The following SEC24D variants were observed in gnomAD, a reference collection of about 807,000 sequenced individuals.
SEC24D encodes the protein protein transport protein Sec24D.
In SEC24D, 69 loss-of-function variants were observed where a neutral mutation model predicts 116.9. The observed-to-expected ratio is 0.59, with a 90% CI of 0.49 to 0.72. The LOEUF is 0.72. Among genes scored for constraint, SEC24D ranks in the 30% least tolerant of loss-of-function variants. The pLI is 0.00. For synonymous variants in SEC24D, 405 were observed against 442.8 expected, an observed-to-expected ratio of 0.91 and a Z score of 1.07; for missense variants, 1,131 against 1,264.1, an observed-to-expected ratio of 0.89 and a Z score of 1.60.
chr4:118,779,037 G>A (rs921921587), intron 8 of SEC24D, among the ~76,000 whole-genome samples: 3 of 152,182 alleles, frequency 2.0e-5, no homozygotes, highest in African/African-American at 7.2e-5. Flanking sequence ...ATACAATCAT[G>A]TCATCTGCAA....
At chr4:118,739,122 T>C in intron 18 of SEC24D, 27 bp downstream of exon 18, 2 of 1,611,582 alleles carry the variant, frequency 1.2e-6, no homozygotes, top group South Asian at 1.1e-5. Flanking sequence ...CAAGGTTTAC[T>C]GAACCTCAGG....
At chr4:118,730,616 CACA>C in intron 21 of SEC24D, 1 of 152,242 alleles carries the variant, frequency 6.6e-6, no homozygotes, top group Non-Finnish European at 1.5e-5. Context: ...GTGATGCTCA[CACA>C]ACAATGGTCT....
At chr4:118,727,022 G>A (rs1725450403) in intron 22 of SEC24D, among the ~76,000 whole-genome samples, 1 of 152,180 alleles carries the variant, frequency 6.6e-6, no homozygotes, top group Admixed American at 6.5e-5. Context: ...TAAGTGCACT[G>A]GGACTAAGCA....
At chr4:118,777,530 T>C (rs1158716162) in intron 8 of SEC24D, among the ~76,000 whole-genome samples, 1 of 152,222 alleles carries the variant, frequency 6.6e-6, no homozygotes, top group Non-Finnish European at 1.5e-5. Context: ...TTTGGGTTGG[T>C]TCCAAGTCTT....
At chr4:118,775,314 A>AT (rs1728080656) in intron 8 of SEC24D, among the ~76,000 whole-genome samples, 1 of 149,274 alleles carries the variant, frequency 6.7e-6, no homozygotes, top group African/African-American at 2.5e-5. Flanking sequence ...TACGCTCAGG[A>AT]TAACTTGTGA....
chr4:118,744,477 G>C (rs113659206), intron 14 of SEC24D, among the ~76,000 whole-genome samples: 2 of 152,206 alleles, frequency 1.3e-5, no homozygotes. Context: ...GTGTGTTGCC[G>C]TGTAACCACT....
chr4:118,833,218 G>T, intron 2 of SEC24D: 1 of 160,916 alleles, frequency 6.2e-6, no homozygotes, highest in Non-Finnish European at 1.3e-5. Flanking sequence ...ATTTATCTAG[G>T]GCCAATCCTA....
intron 8 of SEC24D, among the ~76,000 whole-genome samples, chr4:118,791,949 G>A (rs1226386127): frequency 2.0e-5 from 3 of 151,770 alleles, no homozygotes; most frequent in Non-Finnish European, 4.4e-5. Context: ...CCGCCACCCC[G>A]TCTAGGAAGT....
At chr4:118,799,987 A>G (rs567964654) in intron 7 of SEC24D, among the ~76,000 whole-genome samples, 18 of 152,156 alleles carry the variant, frequency 1.2e-4, no homozygotes, top group South Asian at 6.2e-4. Context: ...AAAAATACTG[A>G]TGATTTAAGA....
At chr4:118,729,517 C>T (rs1725579370) in intron 21 of SEC24D, 1 of 152,138 alleles carries the variant, frequency 6.6e-6, no homozygotes, top group Non-Finnish European at 1.5e-5. Context: ...TGGAAAATTC[C>T]ATCCAAGTAC....
intron 11 of SEC24D, 60 bp downstream of exon 11, chr4:118,757,661 G>C (rs1000868053): frequency 6.6e-7 from 1 of 1,504,444 alleles, no homozygotes; most frequent in Non-Finnish European, 9.0e-7. Context: ...CTTATCTTCT[G>C]GCCAATAAAT....
intron 2 of SEC24D, among the ~76,000 whole-genome samples, chr4:118,829,182 G>A (rs1730723985): frequency 6.6e-6 from 1 of 152,170 alleles, no homozygotes; most frequent in Non-Finnish European, 1.5e-5. Context: ...TTTATTAAGT[G>A]TCATATTACC....
Position 118,728,668 on chromosome 4 carries a change from C to A in SEC24D, c.2869-18G>T. 2 of 1,488,598 alleles carry A rather than the reference C, an allele frequency of 1.3e-6. No individual in the cohort carries two copies. Among genetic ancestry groups the A allele is most frequent in the South Asian group, 1.2e-5 (1 of 85,952 alleles). The allele number at this position is 1,488,598 out of a possible 1,614,324, so 92.2% of individuals were successfully genotyped here. A position where few individuals can be genotyped will look rare whatever the true frequency, so the allele number is the denominator to read the frequency against. ...AGCAATGTCTTAGATTTAAGAAAAT[C>A]AAAGTTTTAGTACAGTTTATAACAT... is the stretch of plus-strand genomic sequence containing the variant. On this transcript the variant is annotated intron_variant, in intron 21 of 22. Transcript: ENST00000280551.
rs1367046440 is a variant in SEC24D at position 118,739,130 on chromosome 4, A to G, written c.2377+19T>C. The G allele has an allele frequency of 6.2e-7, 1 of 1,612,266 alleles. No homozygotes were observed. Among genetic ancestry groups the G allele is most frequent in the Non-Finnish European group, 8.5e-7 (1 of 1,178,916 alleles). ...TACTAAGCAAGGTTTACTGAACCTC[A>G]GGATTGGCAAAGTGTTACCTGACTT... is the stretch of plus-strand genomic sequence containing the variant. On this transcript the variant is annotated intron_variant, in intron 18 of 22. Coordinates refer to ENST00000280551, the MANE Select transcript of SEC24D (RefSeq NM_014822.4).
At chr4:118,793,086 T>TGTTCAGG (rs1172366932) in intron 8 of SEC24D, among the ~76,000 whole-genome samples, 1 of 151,464 alleles carries the variant, frequency 6.6e-6, no homozygotes, top group South Asian at 2.1e-4. Context: ...ATCAGGAAAA[T>TGTTCAGG]AATAAAGGGA....
intron 8 of SEC24D, among the ~76,000 whole-genome samples, chr4:118,776,139 G>A (rs188155987): frequency 2.0e-5 from 3 of 152,040 alleles, no homozygotes; most frequent in Non-Finnish European, 2.9e-5. Flanking sequence ...GAGGGGAAGG[G>A]GTAGGGGAGT....
intron 8 of SEC24D, among the ~76,000 whole-genome samples, chr4:118,790,790 C>T (rs1728862914): frequency 6.6e-6 from 1 of 150,558 alleles, no homozygotes; most frequent in African/African-American, 2.4e-5. Flanking sequence ...AACAATGGAA[C>T]CAATTTTAAA....
chr4:118,736,021 C>CTTTTTTTTTTTTTTTTTT (rs70944808), intron 19 of SEC24D: 1 of 72,818 alleles, frequency 1.4e-5, no homozygotes, highest in Non-Finnish European at 2.6e-5. Flanking sequence ...AGTTATATGT[C>CTTTTTTTTTTTTTTTTTT]TTTTTTTTTT....
intron 8 of SEC24D, among the ~76,000 whole-genome samples, chr4:118,788,777 T>C (rs959565639): frequency 2.0e-5 from 3 of 152,206 alleles, no homozygotes; most frequent in African/African-American, 7.2e-5. Context: ...TAGACCCAAC[T>C]GCTGCCAAGG....
Sources: allele counts gnomAD v4.1 joint callset (sites outside exome capture counted in the v4.1 genomes callset), GRCh38; gene constraint gnomAD v4.1.1; transcripts MANE v1.5; gene names NCBI Gene and HGNC (gene_info 2026-07-23, HGNC 2026-07-21).